The following XPR1 variants were observed in gnomAD, a reference collection of about 807,000 sequenced individuals.
XPR1 encodes xenotropic and polytropic retrovirus receptor 1.
In XPR1, 28 loss-of-function variants were observed where a neutral mutation model predicts 87.5. The observed-to-expected ratio is 0.32, with a 90% CI of 0.24 to 0.44. The LOEUF (loss-of-function observed/expected upper bound fraction) is 0.44. XPR1 is among the 20% of genes least tolerant of loss of function. The probability of loss-of-function intolerance (pLI) is 1.00; values close to 1 mark genes in which losing one functional copy is unlikely to be tolerated. For missense variants in XPR1, 559 were observed against 862.3 expected (o/e 0.65, Z 4.41); for synonymous variants, 300 against 306.1 (o/e 0.98, Z 0.21).
At chr1:180,659,788 A>G (rs1300672439) in intron 1 of XPR1, among the ~76,000 whole-genome samples, 1 of 151,516 alleles carries the variant, frequency 6.6e-6, no homozygotes, top group Non-Finnish European at 1.5e-5. Context: ...AAGTGCTGGG[A>G]TTACAGGCGT....
intron 6 of XPR1, among the ~76,000 whole-genome samples, chr1:180,809,307 C>A (rs568695843): frequency 6.6e-6 from 1 of 152,070 alleles, no homozygotes; most frequent in African/African-American, 2.4e-5. Context: ...ATGGGAAATT[C>A]TTGGGAGTCG....
intron 1 of XPR1, among the ~76,000 whole-genome samples, chr1:180,662,542 T>G (rs1655815902): frequency 6.6e-6 from 1 of 152,212 alleles, no homozygotes; most frequent in Non-Finnish European, 1.5e-5. Flanking sequence ...CTCTTGCTGC[T>G]TTTATGATCG....
chr1:180,664,717 C>T (rs762516735), intron 1 of XPR1, among the ~76,000 whole-genome samples: 3 of 152,200 alleles, frequency 2.0e-5, no homozygotes, highest in Non-Finnish European at 4.4e-5. Flanking sequence ...AGGGTCCTGC[C>T]TAAGAGTTGC....
chr1:180,659,381 G>GTCCGTCCT (rs1655675728), intron 1 of XPR1, among the ~76,000 whole-genome samples: 17 of 55,416 alleles, frequency 3.1e-4, no homozygotes, highest in Middle Eastern at 0.014. Flanking sequence ...CCGTCCTTCC[G>GTCCGTCCT]TCCTTCCTTC....
At chr1:180,672,767 C>T (rs1394065524) in intron 1 of XPR1, among the ~76,000 whole-genome samples, 1 of 152,076 alleles carries the variant, frequency 6.6e-6, no homozygotes, top group Non-Finnish European at 1.5e-5. Context: ...TAGATGAGCA[C>T]ATAATGCACA....
chr1:180,847,149 T>C (rs1651714065), intron 11 of XPR1, among the ~76,000 whole-genome samples: 1 of 152,204 alleles, frequency 6.6e-6, no homozygotes, highest in Non-Finnish European at 1.5e-5. Context: ...ATAGCTGGTA[T>C]AGAAAAGACT....
chr1:180,759,260 T>G (rs1174612953), intron 2 of XPR1, among the ~76,000 whole-genome samples: 2 of 151,916 alleles, frequency 1.3e-5, no homozygotes, highest in African/African-American at 4.8e-5. Flanking sequence ...AAGAAATAAC[T>G]AAAATCAGAG....
chr1:180,777,784 ATTCT>A (rs528070592), intron 2 of XPR1, among the ~76,000 whole-genome samples: 275 of 152,344 alleles, frequency 1.8e-3, no homozygotes, highest in Non-Finnish European at 2.9e-3. Context: ...AGTGCTAAAT[ATTCT>A]TTCTATATTT....
intron 2 of XPR1, among the ~76,000 whole-genome samples, chr1:180,757,322 C>T (rs1056564463): frequency 6.6e-6 from 1 of 152,126 alleles, no homozygotes; most frequent in African/African-American, 2.4e-5. Context: ...GAAAAATACA[C>T]ACATAAATCC....
chr1:180,808,024 A>G (rs1217688621), intron 6 of XPR1, among the ~76,000 whole-genome samples: 2 of 152,098 alleles, frequency 1.3e-5, no homozygotes, highest in East Asian at 3.9e-4. Flanking sequence ...ATGGAAAGGC[A>G]GAGGACCTAG....
At chr1:180,652,004 G>A (rs1655307637) in intron 1 of XPR1, among the ~76,000 whole-genome samples, 5 of 152,166 alleles carry the variant, frequency 3.3e-5, no homozygotes, top group Admixed American at 3.3e-4. Flanking sequence ...AAAAGTTGAA[G>A]TGACAGGCCA....
Position 180,744,775 on chromosome 1 carries a change from TG to T in XPR1, c.122-42977del, listed in dbSNP as rs371208319. On this transcript the variant is annotated intron_variant, in intron 2 of 14. Coordinates refer to ENST00000367590, the MANE Select transcript of XPR1 (RefSeq NM_004736.4). The stretch of plus-strand genomic sequence containing the variant: ...AAGTGTTTCTCCAGCCTTAGCCTCT[TG>T]AGTAGCTGGGATTACAGGCACATAC... Among the ~76,000 whole-genome samples the T allele has an allele frequency of 3.9e-4, 59 of 151,344 alleles. No homozygotes were observed. In the East Asian group the frequency reaches 6.3e-3, roughly 16 times the overall value.
rs1397444815 is a variant in XPR1, at chr1:180,840,536, G to GTC, written c.1501+3821_1501+3822insCT. On this transcript the variant is annotated intron_variant, in intron 11 of 14. Coordinates refer to ENST00000367590, the MANE Select transcript of XPR1 (RefSeq NM_004736.4). ...TTTGACTTCAGGTTAACATATTTGT[G>GTC]TGTGTGTGTGTGTGTGTGTGTGTGT... Among the ~76,000 whole-genome samples the GTC allele has an allele frequency of 7.1e-4, 85 of 119,850 alleles. 1 individual carries two copies. Among genetic ancestry groups the GTC allele is most frequent in the Non-Finnish European group, 1.2e-3 (71 of 60,118 alleles). The allele number at this position is 119,850 out of a possible 152,430, so 78.6% of individuals were successfully genotyped here. A position where few individuals can be genotyped will look rare whatever the true frequency, so the allele number is the denominator to read the frequency against.
At chr1:180,713,502 G>A (rs975457339) in intron 2 of XPR1, among the ~76,000 whole-genome samples, 21 of 152,046 alleles carry the variant, frequency 1.4e-4, no homozygotes, top group Admixed American at 2.0e-4. Context: ...GCCTGGTTAC[G>A]CTGGGCTGAA....
At chr1:180,834,151 G>C (rs111767575) in intron 9 of XPR1, among the ~76,000 whole-genome samples, 5 of 151,356 alleles carry the variant, frequency 3.3e-5, no homozygotes, top group Non-Finnish European at 7.4e-5. Flanking sequence ...GCATGATCTC[G>C]GCTCAGTGCA....
chr1:180,792,816 A>T (rs61811198), intron 3 of XPR1, among the ~76,000 whole-genome samples: 1 of 151,950 alleles, frequency 6.6e-6, no homozygotes, highest in South Asian at 2.1e-4. Flanking sequence ...TGGACAAGTG[A>T]TCCAACTGAT....
chr1:180,656,385 A>G (rs1655475420), intron 1 of XPR1, among the ~76,000 whole-genome samples: 1 of 94,796 alleles, frequency 1.1e-5, no homozygotes, highest in Non-Finnish European at 1.9e-5. Flanking sequence ...TATAATATTC[A>G]TGTATTTATA....
chr1:180,847,931 G>A (rs6682537), intron 11 of XPR1, among the ~76,000 whole-genome samples: 6,559 of 152,104 alleles, frequency 0.043, 507 homozygotes, highest in African/African-American at 0.15. Flanking sequence ...CATTTAAACC[G>A]TTTGGAAACG....
At chr1:180,811,614 T>G in intron 7 of XPR1, 126 bp downstream of exon 7, 2 of 711,100 alleles carry the variant, frequency 2.8e-6, no homozygotes, top group Middle Eastern at 5.1e-4. Flanking sequence ...CAGGGCTAAG[T>G]TTTTTGTCCT....
Sources: gnomAD v4.1 joint callset for allele counts (sites outside exome capture counted in the v4.1 genomes callset) on GRCh38, gnomAD v4.1.1 for gene constraint, MANE v1.5 for transcripts, NCBI Gene and HGNC (gene_info 2026-07-23, HGNC 2026-07-21) for gene names.